The following GALNTL6 variants were observed in gnomAD, a reference collection of about 807,000 sequenced individuals.
GALNTL6 encodes polypeptide N-acetylgalactosaminyltransferase-like 6.
A neutral mutation model predicts 73.7 loss-of-function variants in GALNTL6; 46 were observed. The observed-to-expected ratio is 0.62, with a 90% CI of 0.49 to 0.80. The LOEUF (loss-of-function observed/expected upper bound fraction) is 0.80. Among genes scored for constraint, GALNTL6 ranks in the 30% least tolerant of loss-of-function variants. The probability of loss-of-function intolerance (pLI) is 0.00; values close to 1 mark genes in which losing one functional copy is unlikely to be tolerated. For missense variants in GALNTL6, 604 were observed against 755.0 expected (o/e 0.80, Z 2.34); for synonymous variants, 259 against 263.7 (o/e 0.98, Z 0.17).
chr4:172,838,226 G>T (rs996577431), intron 7 of GALNTL6, among the ~76,000 whole-genome samples: 1 of 152,216 alleles, frequency 6.6e-6, no homozygotes, highest in Non-Finnish European at 1.5e-5. Flanking sequence ...TCCAGTGATT[G>T]TGAAGGTGAT....
intron 2 of GALNTL6, among the ~76,000 whole-genome samples, chr4:171,926,464 G>C (rs571019640): frequency 3.9e-5 from 6 of 151,976 alleles, no homozygotes; most frequent in South Asian, 2.1e-4. Flanking sequence ...ATGTCTCTTT[G>C]TGTATTAATG....
At chr4:172,424,865 A>C (rs904709735) in intron 5 of GALNTL6, among the ~76,000 whole-genome samples, 35 of 151,430 alleles carry the variant, frequency 2.3e-4, no homozygotes, top group Non-Finnish European at 4.3e-4. Flanking sequence ...AGATGAAAAA[A>C]TAAAATTGTT....
chr4:172,896,448 A>G (rs1442800855), intron 8 of GALNTL6, among the ~76,000 whole-genome samples: 1 of 152,176 alleles, frequency 6.6e-6, no homozygotes, highest in African/African-American at 2.4e-5. Context: ...CCCAAAGAAG[A>G]TACTTGTGTG....
intron 2 of GALNTL6, among the ~76,000 whole-genome samples, chr4:171,818,744 G>A (rs780219968): frequency 2.0e-5 from 3 of 151,740 alleles, no homozygotes; most frequent in Non-Finnish European, 4.4e-5. Flanking sequence ...AAAATATTGT[G>A]GGGTAATGCA....
intron 5 of GALNTL6, among the ~76,000 whole-genome samples, chr4:172,395,749 G>C (rs1325071955): frequency 1.3e-5 from 2 of 152,096 alleles, no homozygotes; most frequent in Non-Finnish European, 2.9e-5. Flanking sequence ...ATTTAAAGGA[G>C]AGTAAATAGC....
chr4:172,521,700 C>T (rs72997005), intron 5 of GALNTL6, among the ~76,000 whole-genome samples: 7,276 of 152,228 alleles, frequency 0.048, 529 homozygotes, highest in African/African-American at 0.16. Flanking sequence ...TTTACATTCT[C>T]TCCAGAGACT....
At chr4:172,405,433 ATATATATATATTTTTTTTTTT>A (rs565814135) in intron 5 of GALNTL6, among the ~76,000 whole-genome samples, 1,759 of 6,316 alleles carry the variant, frequency 0.28, 31 homozygotes, top group African/African-American at 0.35. Flanking sequence ...ATATATATAT[ATATATATATATTTTTTTTTTT>A]TTTTTTTTTT....
intron 2 of GALNTL6, among the ~76,000 whole-genome samples, chr4:172,169,130 A>G (rs1734729874): frequency 6.6e-6 from 1 of 152,228 alleles, no homozygotes; most frequent in Non-Finnish European, 1.5e-5. Context: ...GGGAAGAAGT[A>G]GTTGACTTGT....
chr4:172,860,544 C>T lies in GALNTL6; in HGVS notation c.924-22246C>T, dbSNP rs114408667. The stretch of plus-strand genomic sequence containing the variant: ...AAGAAATAACCTCTATGACTCAGAA[C>T]ATCTGAGTCTTAGATACTCTACCAA... On this transcript the variant is annotated intron_variant, in intron 7 of 12. Coordinates refer to ENST00000506823, the MANE Select transcript of GALNTL6 (RefSeq NM_001034845.3). 4.3e-3 allele frequency among the ~76,000 whole-genome samples: 648 copies of T among 152,224 alleles called. 8 individuals carry two copies. Among genetic ancestry groups the T allele is most frequent in the African/African-American group, 0.013 (539 of 41,538 alleles).
intron 10 of GALNTL6, among the ~76,000 whole-genome samples, chr4:172,961,355 G>A (rs1750044440): frequency 6.6e-6 from 1 of 151,774 alleles, no homozygotes; most frequent in African/African-American, 2.4e-5. Context: ...AGGGGTCGGG[G>A]GGTTCTTGCC....
intron 8 of GALNTL6, among the ~76,000 whole-genome samples, chr4:172,900,713 T>C (rs577328458): frequency 5.3e-5 from 8 of 152,318 alleles, no homozygotes; most frequent in African/African-American, 1.7e-4. Context: ...TTTTTAGTTT[T>C]CACAGTTCAA....
At chr4:172,139,359 G>T (rs1242073712) in intron 2 of GALNTL6, among the ~76,000 whole-genome samples, 2 of 152,036 alleles carry the variant, frequency 1.3e-5, no homozygotes, top group Admixed American at 6.6e-5. Flanking sequence ...AAATGCATAG[G>T]TTTTTAAATA....
intron 8 of GALNTL6, among the ~76,000 whole-genome samples, chr4:172,889,725 T>C (rs1294766303): frequency 1.3e-5 from 2 of 152,148 alleles, no homozygotes; most frequent in Non-Finnish European, 2.9e-5. Flanking sequence ...TCTTTTTTCA[T>C]TGTGTCTTTG....
chr4:171,990,925 CTA>C (rs1171461694), intron 2 of GALNTL6, among the ~76,000 whole-genome samples: 1 of 151,986 alleles, frequency 6.6e-6, no homozygotes, highest in African/African-American at 2.4e-5. Context: ...CTGTCTTGGC[CTA>C]TGCAATACAA....
At chr4:172,790,666 C>T (rs1462529811) in intron 5 of GALNTL6, among the ~76,000 whole-genome samples, 3 of 151,832 alleles carry the variant, frequency 2.0e-5, no homozygotes, top group Non-Finnish European at 4.4e-5. Context: ...CCGAGGCAGG[C>T]GGGATCACGA....
intron 5 of GALNTL6, among the ~76,000 whole-genome samples, chr4:172,582,992 A>G (rs1411755658): frequency 6.6e-6 from 1 of 152,200 alleles, no homozygotes; most frequent in Non-Finnish European, 1.5e-5. Context: ...TTGAGAAAGT[A>G]CAGGGACTAC....
chr4:172,896,115 GAC>G (rs1333594490), intron 8 of GALNTL6, among the ~76,000 whole-genome samples: 1 of 152,232 alleles, frequency 6.6e-6, no homozygotes, highest in Admixed American at 6.5e-5. Flanking sequence ...TTTTAGGGTT[GAC>G]CTCTGGTACC....
intron 5 of GALNTL6, among the ~76,000 whole-genome samples, chr4:172,411,289 A>G (rs1401365821): frequency 6.6e-6 from 1 of 152,106 alleles, no homozygotes; most frequent in African/African-American, 2.4e-5. Flanking sequence ...CCTCTTTACT[A>G]AAAGAAAAAA....
At chr4:172,310,926 TA>T (rs1220094594) in intron 3 of GALNTL6, among the ~76,000 whole-genome samples, 1 of 152,016 alleles carries the variant, frequency 6.6e-6, no homozygotes, top group Non-Finnish European at 1.5e-5. Context: ...AAACTGTTTT[TA>T]AAAATGCTTG....
Sources: gnomAD v4.1 joint callset for allele counts (sites outside exome capture counted in the v4.1 genomes callset) on GRCh38, gnomAD v4.1.1 for gene constraint, MANE v1.5 for transcripts, NCBI Gene and HGNC (gene_info 2026-07-23, HGNC 2026-07-21) for gene names.